Variants in ASTN2 observed in about 807,000 individuals in gnomAD.
The protein encoded by ASTN2 is astrotactin-2.
A neutral mutation model predicts 139.8 loss-of-function variants in ASTN2; 54 were observed. That is an observed-to-expected ratio of 0.39 (90% confidence interval 0.31 to 0.48). The LOEUF (loss-of-function observed/expected upper bound fraction) is 0.48, where lower values mean the gene tolerates loss of function less well. ASTN2 is among the 20% of genes least tolerant of loss of function. The pLI is 0.95. For missense variants in ASTN2, 1,565 were observed against 1,725.1 expected, an observed-to-expected ratio of 0.91 and a Z score of 1.64; for synonymous variants, 756 against 719.5, an observed-to-expected ratio of 1.05 and a Z score of -0.81.
rs189625942 is a variant in ASTN2 at position 116,891,584 on chromosome 9, T to C, written c.1890-27851A>G. Among the ~76,000 whole-genome samples, 10 of 152,056 alleles carry C rather than the reference T, an allele frequency of 6.6e-5. No individual in the cohort carries two copies. In the East Asian group the frequency reaches 1.9e-3, roughly 29 times the overall value. On this transcript the variant is annotated intron_variant, in intron 10 of 22. Coordinates refer to ENST00000313400, the MANE Select transcript of ASTN2 (RefSeq NM_001365068.1). Reference sequence around the variant, plus strand: ...GTGCACAAAGTCCCATCGCTGGGAGTATAGGGTCAGAATACAGATGCAGGC... The same window carrying C: ...GTGCACAAAGTCCCATCGCTGGGAGCATAGGGTCAGAATACAGATGCAGGC...
At chr9:116,456,718 C>G (rs532705780) in intron 20 of ASTN2, among the ~76,000 whole-genome samples, 1 of 152,160 alleles carries the variant, frequency 6.6e-6, no homozygotes, top group Admixed American at 6.5e-5. Flanking sequence ...GAGAACAGCA[C>G]ACGAAAGAAT....
At chr9:116,697,174 T>C (rs1405431624) in intron 16 of ASTN2, among the ~76,000 whole-genome samples, 1 of 152,220 alleles carries the variant, frequency 6.6e-6, no homozygotes, top group East Asian at 1.9e-4. Context: ...TTACTGTGCA[T>C]AATTCTCCTG....
At chr9:117,235,504 G>GA (rs1387867364) in intron 2 of ASTN2, among the ~76,000 whole-genome samples, 4 of 152,104 alleles carry the variant, frequency 2.6e-5, no homozygotes, top group African/African-American at 7.2e-5. Flanking sequence ...CTGCTCTCCA[G>GA]AAAAAATGTC....
At chr9:116,962,577 T>C (rs1420560747) in intron 10 of ASTN2, among the ~76,000 whole-genome samples, 1 of 152,170 alleles carries the variant, frequency 6.6e-6, no homozygotes, top group Non-Finnish European at 1.5e-5. Flanking sequence ...TTCTTAAAGA[T>C]TTATGACATT....
At chr9:117,004,756 A>G (rs145036195) in intron 7 of ASTN2, among the ~76,000 whole-genome samples, 5 of 152,302 alleles carry the variant, frequency 3.3e-5, no homozygotes, top group African/African-American at 1.2e-4. Flanking sequence ...AGTTCCAGAG[A>G]AAACAGACCA....
chr9:116,709,977 G>A (rs764225647), intron 16 of ASTN2, among the ~76,000 whole-genome samples: 12 of 152,130 alleles, frequency 7.9e-5, no homozygotes, highest in Non-Finnish European at 1.8e-4. Flanking sequence ...GGGATGAATC[G>A]TAATAAAGAT....
intron 1 of ASTN2, among the ~76,000 whole-genome samples, chr9:117,372,552 C>T (rs1321644639): frequency 6.6e-6 from 1 of 152,096 alleles, no homozygotes; most frequent in East Asian, 1.9e-4. Flanking sequence ...CCTCAGTTTC[C>T]TTTCATCTGC....
rs550477317 is a variant in ASTN2, at chr9:117,191,056, T to C, written c.1015+23302A>G. Among the ~76,000 whole-genome samples, 17 of 152,194 alleles carry C rather than the reference T, an allele frequency of 1.1e-4. 1 individual carries two copies. Among genetic ancestry groups the C allele is most frequent in the African/African-American group, 4.1e-4 (17 of 41,542 alleles). ...AATGTTACCTTATTTAACAAATGTG[T>C]ATGGAGACTTCCCAACAGATATTGA... is the stretch of plus-strand genomic sequence containing the variant. On this transcript the variant is annotated intron_variant, in intron 3 of 22. Transcript: ENST00000313400.
chr9:116,880,316 C>T (rs1040857464), intron 10 of ASTN2, among the ~76,000 whole-genome samples: 1 of 152,132 alleles, frequency 6.6e-6, no homozygotes, highest in African/African-American at 2.4e-5. Flanking sequence ...AGAGCTGCTG[C>T]CAACAATGAC....
At chr9:116,686,569 G>T in intron 16 of ASTN2, 1 of 945,210 alleles carries the variant, frequency 1.1e-6, no homozygotes, top group Non-Finnish European at 1.6e-6. Flanking sequence ...TCCTGTATCA[G>T]ACCTCGTCCT....
intron 13 of ASTN2, among the ~76,000 whole-genome samples, chr9:116,786,439 T>C (rs377737647): frequency 3.3e-5 from 5 of 152,196 alleles, no homozygotes; most frequent in African/African-American, 1.2e-4. Context: ...ATAGAATAAG[T>C]GCTCAAAAAA....
chr9:117,383,144 G>A (rs966846520), intron 1 of ASTN2, among the ~76,000 whole-genome samples: 36 of 152,024 alleles, frequency 2.4e-4, no homozygotes, highest in African/African-American at 8.2e-4. Context: ...AATAATTATG[G>A]GTCACAAAAT....
chr9:116,841,528 C>T (rs1418426771), intron 11 of ASTN2, among the ~76,000 whole-genome samples: 1 of 152,156 alleles, frequency 6.6e-6, no homozygotes, highest in African/African-American at 2.4e-5. Flanking sequence ...GTATGAGCCA[C>T]CATGCCCAGC....
chr9:117,227,115 G>A (rs987467583), intron 2 of ASTN2, among the ~76,000 whole-genome samples: 16 of 152,122 alleles, frequency 1.1e-4, no homozygotes, highest in Non-Finnish European at 2.9e-5. Flanking sequence ...GGGGGTTAGG[G>A]GAGTTGGTGT....
intron 16 of ASTN2, among the ~76,000 whole-genome samples, chr9:116,721,137 A>G (rs1828463157): frequency 6.6e-6 from 1 of 152,210 alleles, no homozygotes; most frequent in Non-Finnish European, 1.5e-5. Flanking sequence ...GGGTCCATCC[A>G]TTGCTCTATT....
chr9:117,046,104 A>G (rs1587899339), intron 5 of ASTN2, among the ~76,000 whole-genome samples: 1 of 151,974 alleles, frequency 6.6e-6, no homozygotes, highest in Admixed American at 6.6e-5. Flanking sequence ...AGGTTCAAGC[A>G]ATTCTCCTGT....
intron 2 of ASTN2, among the ~76,000 whole-genome samples, chr9:117,265,999 A>T (rs1169437686): frequency 1.3e-5 from 2 of 152,166 alleles, no homozygotes; most frequent in African/African-American, 2.4e-5. Flanking sequence ...CTTCCATAAG[A>T]TTTGCTCTAG....
intron 2 of ASTN2, among the ~76,000 whole-genome samples, chr9:117,239,210 A>G (rs1389834080): frequency 6.6e-6 from 1 of 152,186 alleles, no homozygotes; most frequent in East Asian, 1.9e-4. Context: ...GGCAGCTCTG[A>G]GTCCCTGCAA....
At chr9:116,685,062 G>A (rs1056775635) in intron 16 of ASTN2, among the ~76,000 whole-genome samples, 15 of 152,124 alleles carry the variant, frequency 9.9e-5, no homozygotes, top group East Asian at 1.9e-4. Flanking sequence ...TAGAAATTGC[G>A]GTTTAGGAGT....
Sources: allele counts gnomAD v4.1 joint callset (sites outside exome capture counted in the v4.1 genomes callset), GRCh38; gene constraint gnomAD v4.1.1; transcripts MANE v1.5; gene names NCBI Gene and HGNC (gene_info 2026-07-23, HGNC 2026-07-21).